The following CARMIL1 variants were observed in gnomAD, a reference collection of about 807,000 sequenced individuals.
CARMIL1 encodes capping protein regulator and myosin 1 linker 1.
In CARMIL1, 90 loss-of-function variants were observed where a neutral mutation model predicts 177.1. That is an observed-to-expected ratio of 0.51 (90% confidence interval 0.43 to 0.61). The LOEUF (loss-of-function observed/expected upper bound fraction) is 0.61, where lower values mean the gene tolerates loss of function less well. Among genes scored for constraint, CARMIL1 ranks in the 20% least tolerant of loss-of-function variants. The probability of loss-of-function intolerance (pLI) is 0.00; values close to 1 mark genes in which losing one functional copy is unlikely to be tolerated. For synonymous variants in CARMIL1, 577 were observed against 606.2 expected (o/e 0.95, Z 0.71); for missense variants, 1,380 against 1,667.0 (o/e 0.83, Z 3.00).
chr6:25,356,940 C>T (rs1004357655), intron 2 of CARMIL1, among the ~76,000 whole-genome samples: 2 of 152,174 alleles, frequency 1.3e-5, no homozygotes, highest in East Asian at 1.9e-4. Flanking sequence ...AACCCTTAAA[C>T]GGCAGCCTTT....
intron 2 of CARMIL1, among the ~76,000 whole-genome samples, chr6:25,345,390 C>T (rs955883822): frequency 1.3e-5 from 2 of 152,096 alleles, no homozygotes; most frequent in Admixed American, 1.3e-4. Flanking sequence ...TAAATATCAC[C>T]TGTAAGATGA....
At chr6:25,458,147 A>T (rs1017187841) in intron 8 of CARMIL1, among the ~76,000 whole-genome samples, 1 of 152,172 alleles carries the variant, frequency 6.6e-6, no homozygotes, top group African/African-American at 2.4e-5. Context: ...TCTAGAATGT[A>T]GAGTAGCGAA....
In CARMIL1 at chr6:25,381,555, G is replaced by T. The variant is rs1201588329; in HGVS notation, c.139-38559G>T. 6.6e-4 allele frequency among the ~76,000 whole-genome samples: 100 copies of T among 152,042 alleles called. 1 individual carries two copies. On this transcript the variant is annotated intron_variant, in intron 2 of 36. Coordinates refer to ENST00000329474, the MANE Select transcript of CARMIL1 (RefSeq NM_017640.6). ...GAGTTTCTATGAGCCCCACTCTTTG[G>T]GTTCAGTAATTCTCTATAAAGGCTC...
At chr6:25,412,955 T>A (rs1307549036) in intron 2 of CARMIL1, among the ~76,000 whole-genome samples, 1 of 152,202 alleles carries the variant, frequency 6.6e-6, no homozygotes, top group Non-Finnish European at 1.5e-5. Flanking sequence ...GGTGTTCCTT[T>A]TGGGTGAAGT....
chr6:25,575,563 T>C lies in CARMIL1; in HGVS notation c.2743-5361T>C, dbSNP rs113461108. The stretch of plus-strand genomic sequence containing the variant: ...CCTTTAAGAAAGCTTCTGAGGGCTA[T>C]GTGTTAGGACAGGGCAGGAGTCTTT... On this transcript the variant is annotated intron_variant, in intron 29 of 36. Coordinates refer to ENST00000329474, the MANE Select transcript of CARMIL1 (RefSeq NM_017640.6). 6.8e-4 allele frequency among the ~76,000 whole-genome samples: 104 copies of C among 152,310 alleles called. 2 individuals carry two copies. Among genetic ancestry groups the C allele is most frequent in the Non-Finnish European group, 1.0e-3 (68 of 68,022 alleles).
intron 29 of CARMIL1, among the ~76,000 whole-genome samples, chr6:25,575,934 TG>T (rs528400454): frequency 4.6e-5 from 7 of 152,080 alleles, no homozygotes; most frequent in Non-Finnish European, 1.0e-4. Context: ...TGAAAATAAT[TG>T]ACATGAAAAA....
Position 25,500,593 on chromosome 6 carries a change from T to C in CARMIL1, c.1395+358T>C, listed in dbSNP as rs542848895. Among the ~76,000 whole-genome samples, 4 of 152,306 alleles carry C rather than the reference T, an allele frequency of 2.6e-5. No individual in the cohort carries two copies. The South Asian group carries it at 8.3e-4, about 32-fold the overall frequency. On this transcript the variant is annotated intron_variant, in intron 17 of 36. Coordinates refer to ENST00000329474, the MANE Select transcript of CARMIL1 (RefSeq NM_017640.6). ...TTGCAAGGGACAAATGTGTATAACC[T>C]AACTTGGATTTTGTAGAGCGTGAAA...
chr6:25,336,311 A>G (rs1786224678), intron 2 of CARMIL1, among the ~76,000 whole-genome samples: 1 of 152,156 alleles, frequency 6.6e-6, no homozygotes, highest in South Asian at 2.1e-4. Context: ...TGACCAGAAT[A>G]CCTTCCTCTC....
Position 25,606,190 on chromosome 6 carries a change from C to A in CARMIL1, c.3764C>A (p.Pro1255Gln). The change falls in exon 35 of 37, where the codon CCG (proline) becomes CAG (glutamine). Residue 1255 changes from proline (P) to glutamine (Q), a missense_variant. By Grantham distance (76) the Pro-to-Gln change is moderately conservative. Transcript: ENST00000329474. ...AGCTCATCCAGCACACCTACGAGCC[C>A]GAAGCCCCTCCTGCAGTCCCCCAAA... ...SRSSSSTPTS[P>Q]KPLLQSPKPS... 1.2e-6 allele frequency: 2 copies of A among 1,613,978 alleles called. No homozygotes were observed. The highest frequency in any genetic ancestry group is 1.7e-6 in the Non-Finnish European group (2 of 1,179,884).
intron 2 of CARMIL1, among the ~76,000 whole-genome samples, chr6:25,308,995 A>G (rs1313991740): frequency 6.6e-6 from 1 of 152,152 alleles, no homozygotes; most frequent in Non-Finnish European, 1.5e-5. Context: ...TAAATTCTGC[A>G]CCTGCCTCCT....
At chr6:25,508,148 A>G (rs140530576) in intron 17 of CARMIL1, among the ~76,000 whole-genome samples, 1 of 152,276 alleles carries the variant, frequency 6.6e-6, no homozygotes, top group Non-Finnish European at 1.5e-5. Flanking sequence ...GTGCTGGGGA[A>G]GATGTACAGG....
chr6:25,477,004 G>A (rs976251714), intron 11 of CARMIL1, among the ~76,000 whole-genome samples: 7 of 150,800 alleles, frequency 4.6e-5, no homozygotes, highest in Non-Finnish European at 8.8e-5. Flanking sequence ...CAGGAGAATC[G>A]CTTGAATCAG....
At chr6:25,512,538 G>T (rs1044347695) in intron 20 of CARMIL1, among the ~76,000 whole-genome samples, 1 of 151,928 alleles carries the variant, frequency 6.6e-6, no homozygotes, top group East Asian at 1.9e-4. Context: ...ACCAATACCT[G>T]GTACAATTGG....
chr6:25,580,332 C>T lies in CARMIL1; in HGVS notation c.2743-592C>T, dbSNP rs374034092. ...AGGAAAGTGCTCTTCAGTTTTGGCC[C>T]TTGGTTTGAGTTTCGGTTTCATTTT... On this transcript the variant is annotated intron_variant, in intron 29 of 36. Transcript: ENST00000329474. Among the ~76,000 whole-genome samples, 83 of 152,252 alleles carry T rather than the reference C, an allele frequency of 5.5e-4. No homozygotes were observed. The South Asian group carries it at 8.1e-3, about 15-fold the overall frequency.
chr6:25,600,796 A>G, intron 33 of CARMIL1, 50 bp downstream of exon 33: 1 of 1,395,826 alleles, frequency 7.2e-7, no homozygotes, highest in East Asian at 2.6e-5. Context: ...TATATAATAG[A>G]TGCACACATT....
At chr6:25,465,833 G>A (rs765568437) in intron 8 of CARMIL1, 40 bp from the exon 9 acceptor site, 4 of 1,201,700 alleles carry the variant, frequency 3.3e-6, no homozygotes, top group Non-Finnish European at 5.0e-6. Flanking sequence ...TGTAGCTACT[G>A]TAGGAGCACT....
rs1349115991 is a variant in CARMIL1 at position 25,350,189 on chromosome 6, A to G, written c.138+65280A>G. ...TTGGGCAGCAAAGATGATAGCTGAAAGAGGATGCAGTATTAACTCCCCTCC... is the reference window on the plus strand; with the variant it reads ...TTGGGCAGCAAAGATGATAGCTGAAGGAGGATGCAGTATTAACTCCCCTCC... On this transcript the variant is annotated intron_variant, in intron 2 of 36. Coordinates refer to ENST00000329474, the MANE Select transcript of CARMIL1 (RefSeq NM_017640.6). Among the ~76,000 whole-genome samples, 4 of 152,162 alleles carry G rather than the reference A, an allele frequency of 2.6e-5. No individual in the cohort carries two copies. The East Asian group carries it at 7.7e-4, about 29-fold the overall frequency.
chr6:25,584,026 CTTTTTTTTTT>C (rs71544648), intron 31 of CARMIL1, among the ~76,000 whole-genome samples: 1 of 119,140 alleles, frequency 8.4e-6, no homozygotes, highest in Non-Finnish European at 1.7e-5. Context: ...TTTTCTTTTT[CTTTTTTTTTT>C]TTTTTTTTTG....
intron 11 of CARMIL1, among the ~76,000 whole-genome samples, chr6:25,478,613 A>G (rs771466702): frequency 2.0e-5 from 3 of 152,094 alleles, no homozygotes; most frequent in East Asian, 1.9e-4. Flanking sequence ...TGGCTAACAC[A>G]GTGAAACCCC....
Sources: allele counts gnomAD v4.1 joint callset (sites outside exome capture counted in the v4.1 genomes callset), GRCh38; gene constraint gnomAD v4.1.1; transcripts MANE v1.5; gene names NCBI Gene and HGNC (gene_info 2026-07-23, HGNC 2026-07-21).